Variants in ZNF529 observed in about 807,000 individuals in gnomAD.
ZNF529 encodes the protein zinc finger protein 529.
ZNF529 carries 11 observed loss-of-function variants against 10.1 expected under a neutral mutation model. The ratio of observed to expected loss-of-function variants is 1.09; its 90% CI spans 0.69 to 1.81. The LOEUF is 1.81. ZNF529 is among the 40% of genes most tolerant of loss of function. The probability of loss-of-function intolerance (pLI) is 0.00; values close to 1 mark genes in which losing one functional copy is unlikely to be tolerated. For missense variants in ZNF529, 624 were observed against 666.8 expected (o/e 0.94, Z 0.71); for synonymous variants, 204 against 215.7 (o/e 0.95, Z 0.47).
upstream of ZNF529, among the ~76,000 whole-genome samples, chr19:36,576,003 C>G (rs1283716783): frequency 6.6e-6 from 1 of 152,040 alleles, no homozygotes; most frequent in African/African-American, 2.4e-5. Context: ...CACCCGCCAC[C>G]ACACCCGGCT....
chr19:36,573,680 A>G, upstream of ZNF529: 1 of 338,706 alleles, frequency 3.0e-6, no homozygotes, highest in Non-Finnish European at 6.0e-6. Flanking sequence ...CGGGCCGGGG[A>G]GGGTGAAGGG....
At position 36,547,651 on chromosome 19, in the gene ZNF529, T is replaced by C; in HGVS notation, c.907A>G (p.Ile303Val). The C allele has an allele frequency of 1.2e-6, 2 of 1,613,818 alleles. No homozygotes were observed. The highest frequency in any genetic ancestry group is 1.7e-6 in the Non-Finnish European group (2 of 1,179,798). The change falls in exon 5 of 5, where the codon ATC becomes GTC. Residue 303 changes from isoleucine to valine, a missense_variant. Ile to Val is a conservative substitution (Grantham distance 29). Coordinates refer to ENST00000591340, the MANE Select transcript of ZNF529 (RefSeq NM_020951.5). ...TTGTAAGTTTTCTCATCAGTATGGATTTTCTGATGTCGAGTAAGTTGTGCA... is the reference window on the plus strand; with the variant it reads ...TTGTAAGTTTTCTCATCAGTATGGACTTTCTGATGTCGAGTAAGTTGTGCA... ...VHAQLTRHQK[I>V]HTDEKTYKCM...
At chr19:36,590,290 G>A (rs1053768956) in intron 1 of ZNF529, among the ~76,000 whole-genome samples, 4 of 152,004 alleles carry the variant, frequency 2.6e-5, no homozygotes, top group Non-Finnish European at 4.4e-5. Context: ...CAGAAGGATC[G>A]CTTGAGCCCG....
chr19:36,571,675 C>CA (rs5827961), intron 2 of ZNF529, among the ~76,000 whole-genome samples: 43,148 of 134,560 alleles, frequency 0.32, 6,708 homozygotes, highest in South Asian at 0.44. Context: ...AACTCTGTCT[C>CA]AAAAAAAAAA....
intron 1 of ZNF529, among the ~76,000 whole-genome samples, chr19:36,591,349 G>C (rs919293758): frequency 4.0e-5 from 6 of 149,880 alleles, no homozygotes; most frequent in Non-Finnish European, 8.9e-5. Flanking sequence ...ACAAATTTGA[G>C]AATTCAGATG....
At chr19:36,593,945 T>C (rs1446523997) in intron 1 of ZNF529, 1 of 152,124 alleles carries the variant, frequency 6.6e-6, no homozygotes, top group Non-Finnish European at 1.5e-5. Context: ...AGAGGGATTC[T>C]GGACAAAATG....
chr19:36,560,374 A>G (rs1435052351), intron 2 of ZNF529, among the ~76,000 whole-genome samples: 2 of 152,076 alleles, frequency 1.3e-5, no homozygotes, highest in East Asian at 3.8e-4. Flanking sequence ...TGAAACGTGT[A>G]CTTATGTATT....
chr19:36,554,658 AG>A lies in ZNF529; in HGVS notation c.235+11del, dbSNP rs1212871794. 1 of 1,538,998 alleles carries A rather than the reference AG, an allele frequency of 6.5e-7. No individual in the cohort carries two copies. The highest frequency in any genetic ancestry group is 8.8e-7 in the Non-Finnish European group (1 of 1,139,558). ...GAGTATATTCTAAGTTATTTAAGGC[AG>A]ATAAATTTACCCAGTGAGAGTAAGT... On this transcript the variant is annotated intron_variant, in intron 4 of 4. Transcript: ENST00000591340.
chr19:36,551,212 T>G lies in ZNF529; in HGVS notation c.236-2890A>C, dbSNP rs572434749. ...AAGAGTCAAATGAGGGGAAAAAAGT[T>G]TATGTACTGAAACATGCTAAACTAA... On this transcript the variant is annotated intron_variant, in intron 4 of 4. Coordinates refer to ENST00000591340, the MANE Select transcript of ZNF529 (RefSeq NM_020951.5). Among the ~76,000 whole-genome samples the G allele has an allele frequency of 1.1e-4, 17 of 152,274 alleles. No homozygotes were observed. The East Asian group carries it at 3.3e-3, about 29-fold the overall frequency.
In ZNF529 at chr19:36,572,244, A is replaced by T. The variant is rs1028987031; in HGVS notation, c.14+89T>A. 4.3e-6 allele frequency: 6 copies of T among 1,384,310 alleles called. No homozygotes were observed. In the African/African-American group the frequency reaches 8.8e-5, roughly 20 times the overall value. 85.8% of individuals were successfully genotyped at this position (1,384,310 alleles called of 1,614,324 possible). A position where few individuals can be genotyped will look rare whatever the true frequency, so the allele number is the denominator to read the frequency against. On this transcript the variant is annotated intron_variant, in intron 2 of 4. Coordinates refer to ENST00000591340, the MANE Select transcript of ZNF529 (RefSeq NM_020951.5). ...AAATGGGCATTTGGAAAGGCAATGGAGGACAAGGGGACCCATCTCTACGGT... is the reference window on the plus strand; with the variant it reads ...AAATGGGCATTTGGAAAGGCAATGGTGGACAAGGGGACCCATCTCTACGGT...
intron 2 of ZNF529, among the ~76,000 whole-genome samples, chr19:36,562,564 G>T (rs1301139439): frequency 6.6e-6 from 1 of 151,670 alleles, no homozygotes; most frequent in Admixed American, 6.6e-5. Flanking sequence ...GGCCGGGCGC[G>T]GTGGCTCATG....
chr19:36,559,353 C>T (rs199922985), intron 2 of ZNF529, among the ~76,000 whole-genome samples: 5 of 152,216 alleles, frequency 3.3e-5, no homozygotes, highest in Non-Finnish European at 4.4e-5. Flanking sequence ...CTTTCACCCA[C>T]GGTGGAGTGC....
At position 36,573,256 on chromosome 19, in the gene ZNF529, G is replaced by C; in HGVS notation, c.-163C>G. 3.3e-6 allele frequency: 1 copy of C among 307,300 alleles called. No homozygotes were observed. The highest frequency in any genetic ancestry group is 8.7e-5 in the East Asian group (1 of 11,538). 19.0% of individuals were successfully genotyped at this position (307,300 alleles called of 1,614,324 possible). Reference sequence around the variant, plus strand: ...CGAGCTCCTCCCGCAGCCCGGCCCGGGTCACCTCGACTCGCCAGGCTTAAC... The same window carrying C: ...CGAGCTCCTCCCGCAGCCCGGCCCGCGTCACCTCGACTCGCCAGGCTTAAC... On this transcript the variant is annotated 5_prime_UTR_variant, in exon 1 of 5. Coordinates refer to ENST00000591340, the MANE Select transcript of ZNF529 (RefSeq NM_020951.5).
intron 4 of ZNF529, among the ~76,000 whole-genome samples, chr19:36,550,609 C>T (rs1051711658): frequency 6.6e-6 from 1 of 152,020 alleles, no homozygotes; most frequent in Admixed American, 6.6e-5. Context: ...ACTGAAATCA[C>T]AAAGTTTGTA....
intron 2 of ZNF529, among the ~76,000 whole-genome samples, chr19:36,569,771 A>T (rs1469640794): frequency 1.3e-5 from 2 of 152,124 alleles, no homozygotes; most frequent in Admixed American, 1.3e-4. Context: ...TCTTGTTGCA[A>T]AACAAAAAGA....
chr19:36,581,726 G>T, intron 2 of ZNF529: 1 of 159,768 alleles, frequency 6.3e-6, no homozygotes, highest in Non-Finnish European at 1.4e-5. Flanking sequence ...CATGTGATAT[G>T]CTAGCTCTCC....
At chr19:36,556,026 G>A in intron 3 of ZNF529, 78 bp downstream of exon 3, 1 of 1,443,062 alleles carries the variant, frequency 6.9e-7, no homozygotes, top group Non-Finnish European at 9.5e-7. Flanking sequence ...TTGTGGTACA[G>A]GTTCTTTGAC....
chr19:36,596,815 C>T (rs1437499048), intron 1 of ZNF529, among the ~76,000 whole-genome samples: 1 of 152,122 alleles, frequency 6.6e-6, no homozygotes, highest in Admixed American at 6.5e-5. Flanking sequence ...ACCCCACGCC[C>T]AGCCTTGCTT....
At position 36,547,435 on chromosome 19, in the gene ZNF529, A is replaced by G; in HGVS notation, c.1123T>C (p.Phe375Leu). ...CGAGCAAGTTCTCTACATACTCCAA[A>G]AGCCTTCCCACATTCCTTACATGCA... The part of the protein sequence containing the change: ...PYACKECGKA[F>L]GVCRELARHQ... Residue 375 changes from phenylalanine (F) to leucine (L), a missense_variant, in exon 5 of 5, where the codon TTT (phenylalanine) becomes CTT (leucine). Physicochemically the swap from Phe to Leu is conservative, Grantham distance 22 (BLOSUM62 0). Coordinates refer to ENST00000591340, the MANE Select transcript of ZNF529 (RefSeq NM_020951.5). 6.2e-7 allele frequency: 1 copy of G among 1,613,934 alleles called. No individual in the cohort carries two copies. Among genetic ancestry groups the G allele is most frequent in the Non-Finnish European group, 8.5e-7 (1 of 1,179,924 alleles).
Sources: gnomAD v4.1 joint callset for allele counts (sites outside exome capture counted in the v4.1 genomes callset) on GRCh38, gnomAD v4.1.1 for gene constraint, MANE v1.5 for transcripts, NCBI Gene and HGNC (gene_info 2026-07-23, HGNC 2026-07-21) for gene names.